The following ZAP70 variants were observed in gnomAD, a reference collection of about 807,000 sequenced individuals.
ZAP70 encodes the protein zeta chain of T cell receptor associated protein kinase 70, also known as tyrosine-protein kinase ZAP-70.
Under a neutral mutation model 65.8 loss-of-function variants are expected in ZAP70, and 27 were observed. The observed-to-expected ratio is 0.41, with a 90% CI of 0.30 to 0.57. The LOEUF is 0.57. Ranked by LOEUF, ZAP70 falls within the 20% of genes least tolerant of loss-of-function variation. The probability of loss-of-function intolerance (pLI) is 0.28; values close to 1 mark genes in which losing one functional copy is unlikely to be tolerated. For missense variants in ZAP70, 696 were observed against 870.5 expected, an observed-to-expected ratio of 0.80 and a Z score of 2.52; for synonymous variants, 363 against 360.8, an observed-to-expected ratio of 1.01 and a Z score of -0.07.
At chr2:97,733,966 G>A (rs543809614) in intron 8 of ZAP70, 245 of 375,182 alleles carry the variant, frequency 6.5e-4, no homozygotes, top group Non-Finnish European at 9.7e-4. Context: ...ATGAGAGAGG[G>A]AGGGGTCTGT....
At chr2:97,733,070 G>A (rs201475261) in intron 5 of ZAP70, 49 bp downstream of exon 5, 2 of 1,613,886 alleles carry the variant, frequency 1.2e-6, no homozygotes, top group Non-Finnish European at 1.7e-6. Flanking sequence ...CTCAGATGGG[G>A]TGCCGGGCTC....
chr2:97,735,111 G>T, intron 9 of ZAP70, 139 bp from the exon 10 acceptor site: 1 of 1,007,302 alleles, frequency 9.9e-7, no homozygotes, highest in East Asian at 2.6e-5. Flanking sequence ...GACATTGAGC[G>T]CCTTGGTCCC....
chr2:97,716,464 G>A (rs563629461), intron 2 of ZAP70, among the ~76,000 whole-genome samples: 22 of 152,220 alleles, frequency 1.4e-4, no homozygotes, highest in Non-Finnish European at 2.5e-4. Flanking sequence ...CTTTTAGGTG[G>A]TGAAGAACAA....
the ZAP70 span, among the ~76,000 whole-genome samples, chr2:97,750,102 G>T: frequency 6.6e-6 from 1 of 152,230 alleles, no homozygotes; most frequent in South Asian, 2.1e-4. Context: ...CTCTGAGAGG[G>T]GCAGAGTGTG....
chr2:97,730,247 G>A (rs1057117238), intron 4 of ZAP70, among the ~76,000 whole-genome samples: 10 of 152,056 alleles, frequency 6.6e-5, no homozygotes, highest in Non-Finnish European at 1.3e-4. Flanking sequence ...AACAAACACC[G>A]ATCATTTATT....
chr2:97,735,939 C>T (rs769771729), intron 10 of ZAP70, among the ~76,000 whole-genome samples: 23 of 152,130 alleles, frequency 1.5e-4, no homozygotes, highest in Non-Finnish European at 2.9e-4. Flanking sequence ...ACCCACGAGG[C>T]GGAGCTTGCA....
chr2:97,725,046 G>A, intron 3 of ZAP70, 46 bp from the exon 4 acceptor site: 1 of 1,610,532 alleles, frequency 6.2e-7, no homozygotes, highest in Non-Finnish European at 8.5e-7. Context: ...TTCCTGTGGC[G>A]AGCACTTGGC....
At chr2:97,746,371 C>T in the ZAP70 span, among the ~76,000 whole-genome samples, 1 of 152,134 alleles carries the variant, frequency 6.6e-6, no homozygotes, top group East Asian at 1.9e-4. Flanking sequence ...AACCCACCAC[C>T]GCCACAAAAT....
downstream of ZAP70, among the ~76,000 whole-genome samples, chr2:97,743,429 G>A (rs893518149): frequency 6.6e-6 from 1 of 152,164 alleles, no homozygotes; most frequent in East Asian, 1.9e-4. Context: ...TCCACGTTCC[G>A]GGTTCAAGCG....
downstream of ZAP70, among the ~76,000 whole-genome samples, chr2:97,740,710 G>A (rs532135791): frequency 9.8e-4 from 149 of 152,084 alleles, no homozygotes; most frequent in African/African-American, 3.1e-3. Context: ...TCCAGAGGCC[G>A]AGGCCAGCTG....
chr2:97,714,235 G>A (rs56045386), intron 2 of ZAP70, among the ~76,000 whole-genome samples: 4,292 of 152,244 alleles, frequency 0.028, 196 homozygotes, highest in African/African-American at 0.097. Flanking sequence ...GGGACACGGT[G>A]AGGCCTGCTC....
chr2:97,732,595 C>T, intron 4 of ZAP70: 1 of 519,962 alleles, frequency 1.9e-6, no homozygotes. Flanking sequence ...GGCTGGGTGT[C>T]CACCGTGGGG....
Position 97,732,569 on chromosome 2 carries a change from G to T in ZAP70, c.564-314G>T. The T allele has an allele frequency of 6.4e-6, 3 of 467,664 alleles. 1 individual carries two copies. The highest frequency in any genetic ancestry group is 6.3e-5 in the South Asian group (3 of 47,306). 29.0% of individuals were successfully genotyped at this position (467,664 alleles called of 1,614,324 possible). On this transcript the variant is annotated intron_variant, in intron 4 of 13. Coordinates refer to ENST00000264972, the MANE Select transcript of ZAP70 (RefSeq NM_001079.4). ...GGACCAGGTGTTCCCCAGTGGATGGGTGTCCCCTCCTCCGTGGCTGGGTGT... is the reference window on the plus strand; with the variant it reads ...GGACCAGGTGTTCCCCAGTGGATGGTTGTCCCCTCCTCCGTGGCTGGGTGT...
intron 2 of ZAP70, among the ~76,000 whole-genome samples, chr2:97,716,975 G>A (rs925019425): frequency 3.9e-5 from 6 of 152,188 alleles, no homozygotes; most frequent in East Asian, 1.9e-4. Flanking sequence ...GTGGGTCCAC[G>A]ATTCCATGAT....
intron 3 of ZAP70, chr2:97,724,704 C>T: frequency 2.6e-6 from 4 of 1,515,972 alleles, no homozygotes; most frequent in South Asian, 1.2e-5. Flanking sequence ...CGCACTGGGC[C>T]GGGCGAAGGC....
chr2:97,725,316 C>T, intron 4 of ZAP70, 64 bp downstream of exon 4: 1 of 1,592,512 alleles, frequency 6.3e-7, no homozygotes, highest in South Asian at 1.1e-5. Context: ...ATCCTGGGGA[C>T]TGGGGCAGAC....
At position 97,737,789 on chromosome 2, in the gene ZAP70, G is replaced by A. The variant is rs767813141; in HGVS notation, c.1515G>A (p.Trp505Ter). 6.2e-7 allele frequency: 1 copy of A among 1,614,134 alleles called. No homozygotes were observed. The change falls in exon 12 of 14, where the codon TGG becomes TGA. Residue 505 changes from tryptophan to a stop codon, truncating the protein, a stop_gained. Coordinates refer to ENST00000264972, the MANE Select transcript of ZAP70 (RefSeq NM_001079.4). LOFTEE classifies it high-confidence loss of function. The surrounding 1 kb of genome is among the most constrained non-coding windows in gnomAD (Gnocchi z 5.0). Reference sequence around the variant, plus strand: ...CAGCAGGGAAGTGGCCGCTCAAGTGGTACGCACCCGAATGCATCAACTTCC... The same window carrying A: ...CAGCAGGGAAGTGGCCGCTCAAGTGATACGCACCCGAATGCATCAACTTCC... ...ARSAGKWPLK[W>*]YAPECINFRK... is the part of the protein sequence containing the mutation.
chr2:97,733,585 C>A lies in ZAP70; in HGVS notation c.879C>A (p.Thr293=). The A allele has an allele frequency of 6.2e-7, 1 of 1,613,614 alleles. No homozygotes were observed. The highest frequency in any genetic ancestry group is 2.2e-5 in the East Asian group (1 of 44,884). Residue 293 remains threonine, a synonymous_variant, in exon 8 of 14, where the codon ACC becomes ACA. Transcript: ENST00000264972. Reference sequence around the variant, plus strand: ...ACACCCTCAACTCAGATGGATACACCCCTGAGCCAGGTGAGCGGGCAGAGG... The same window carrying A: ...ACACCCTCAACTCAGATGGATACACACCTGAGCCAGGTGAGCGGGCAGAGG... ...RIDTLNSDGY[T]PEPARITSPD...
chr2:97,733,684 C>T (rs142557745), intron 8 of ZAP70, 89 bp downstream of exon 8: 112 of 1,538,590 alleles, frequency 7.3e-5, no homozygotes, highest in South Asian at 1.8e-4. Context: ...TCACGGGGGG[C>T]GCTGTGGGCC....
Sources: gnomAD v4.1 joint callset for allele counts (sites outside exome capture counted in the v4.1 genomes callset) on GRCh38, gnomAD v4.1.1 for gene constraint, Gnocchi (gnomAD v3.1) non-coding constraint, MANE v1.5 for transcripts, NCBI Gene and HGNC (gene_info 2026-07-23, HGNC 2026-07-21) for gene names.